The following CYFIP1 variants were observed in gnomAD, a reference collection of about 807,000 sequenced individuals.
The protein encoded by CYFIP1 is cytoplasmic FMR1 interacting protein 1, also known as cytoplasmic FMR1-interacting protein 1.
Under a neutral mutation model 163.5 loss-of-function variants are expected in CYFIP1, and 58 were observed. The observed-to-expected ratio is 0.35, with a 90% CI of 0.29 to 0.44. The LOEUF is 0.44. Ranked by LOEUF, CYFIP1 falls within the 20% of genes least tolerant of loss-of-function variation. CYFIP1 has a pLI of 1.00. For missense variants in CYFIP1, 1,338 were observed against 1,653.8 expected (o/e 0.81, Z 3.31); for synonymous variants, 663 against 660.7 (o/e 1.00, Z -0.05).
intron 17 of CYFIP1, 21 bp from the exon 18 acceptor site, chr15:22,912,296 G>T: frequency 3.8e-6 from 6 of 1,571,308 alleles, no homozygotes; most frequent in Non-Finnish European, 5.2e-6. Context: ...CAGCAGCAGT[G>T]TGACCAGCAG....
At chr15:22,877,158 G>C (rs546651402) in intron 26 of CYFIP1, among the ~76,000 whole-genome samples, 33 of 152,316 alleles carry the variant, frequency 2.2e-4, no homozygotes, top group African/African-American at 7.9e-4. Flanking sequence ...TTACAGGGCT[G>C]GGTCAGTTCT....
At chr15:22,980,382 C>A (rs2063446246), upstream of CYFIP1, 1 of 151,820 alleles carries the variant, frequency 6.6e-6, no homozygotes, top group Non-Finnish European at 1.5e-5. Flanking sequence ...CCAGGAAACA[C>A]TCGGCCTCCT....
intron 6 of CYFIP1, among the ~76,000 whole-genome samples, chr15:22,942,560 C>A (rs2061924845): frequency 1.3e-5 from 2 of 152,322 alleles, no homozygotes; most frequent in South Asian, 4.1e-4. Flanking sequence ...GAAGCACACA[C>A]TGGGCCATGC....
chr15:22,910,816 GAAGAAA>G lies in CYFIP1; in HGVS notation c.2083-9_2083-4del. The G allele has an allele frequency of 6.2e-7, 1 of 1,611,408 alleles. No individual in the cohort carries two copies. The highest frequency in any genetic ancestry group is 8.5e-7 in the Non-Finnish European group (1 of 1,177,808). ...AATTGGTCAAAACATAGATTCACCT[GAAGAAA>G]AAGAAAGCACACGTTACAGTTTGAT... On this transcript the variant is annotated splice_region_variant and splice_polypyrimidine_tract_variant and intron_variant, in intron 18 of 30. Transcript: ENST00000617928.
At chr15:22,914,979 C>T in intron 16 of CYFIP1, 97 bp from the exon 17 acceptor site, 1 of 1,292,400 alleles carries the variant, frequency 7.7e-7, no homozygotes, top group African/African-American at 1.5e-5. Flanking sequence ...GCCTGCTCCT[C>T]CTCGCTCAGC....
chr15:22,889,638 G>A lies in CYFIP1; in HGVS notation c.2676+3252C>T, dbSNP rs367844699. 5.7e-4 allele frequency among the ~76,000 whole-genome samples: 87 copies of A among 152,224 alleles called. No homozygotes were observed. In the South Asian group the frequency reaches 7.7e-3, roughly 13 times the overall value. The stretch of plus-strand genomic sequence containing the variant: ...CAGTCGGGTCGCCTGCCTACCCCCC[G>A]CCTGCCTCCCTCGCTTCCACAGCCA... On this transcript the variant is annotated intron_variant, in intron 23 of 30. Coordinates refer to ENST00000617928, the MANE Select transcript of CYFIP1 (RefSeq NM_014608.6).
At chr15:22,976,174 T>C (rs2063270810) in intron 1 of CYFIP1, among the ~76,000 whole-genome samples, 1 of 152,122 alleles carries the variant, frequency 6.6e-6, no homozygotes. Flanking sequence ...TTTTTTTTTT[T>C]TGAGACGGAG....
chr15:22,915,361 GT>G (rs1361355158), intron 16 of CYFIP1, among the ~76,000 whole-genome samples: 1 of 151,982 alleles, frequency 6.6e-6, no homozygotes, highest in Non-Finnish European at 1.5e-5. Flanking sequence ...CCGAATTCAA[GT>G]GATTCTCCTG....
intron 22 of CYFIP1, among the ~76,000 whole-genome samples, chr15:22,899,139 G>A (rs1488899569): frequency 6.6e-6 from 1 of 152,064 alleles, no homozygotes; most frequent in African/African-American, 2.4e-5. Flanking sequence ...CACCCAGCCA[G>A]GATTAGCAAT....
intron 22 of CYFIP1, among the ~76,000 whole-genome samples, chr15:22,895,798 C>T (rs1003525276): frequency 6.6e-6 from 1 of 152,130 alleles, no homozygotes; most frequent in Non-Finnish European, 1.5e-5. Flanking sequence ...TGCAACGAAG[C>T]CCCAATAAAA....
At chr15:22,975,606 C>A (rs964002485) in intron 1 of CYFIP1, among the ~76,000 whole-genome samples, 4 of 152,054 alleles carry the variant, frequency 2.6e-5, no homozygotes, top group South Asian at 2.1e-4. Context: ...ACTAAAAATA[C>A]AAAATTAGTG....
intron 1 of CYFIP1, among the ~76,000 whole-genome samples, chr15:22,976,481 G>A (rs2063285545): frequency 6.7e-6 from 1 of 148,166 alleles, no homozygotes; most frequent in South Asian, 2.1e-4. Flanking sequence ...ATTGTACATT[G>A]CTAGTACAGT....
Position 22,891,485 on chromosome 15 carries a change from T to C in CYFIP1, c.2676+1405A>G, listed in dbSNP as rs568617649. Among the ~76,000 whole-genome samples the C allele has an allele frequency of 6.6e-5, 10 of 152,362 alleles. 1 individual carries two copies. The highest frequency in any genetic ancestry group is 1.9e-4 in the East Asian group (1 of 5,190). The stretch of plus-strand genomic sequence containing the variant: ...GACATAATGTTTACACAGTCACCCT[T>C]GGTCCACGTGGGCCCCGTTTCCCGA... On this transcript the variant is annotated intron_variant, in intron 23 of 30. Coordinates refer to ENST00000617928, the MANE Select transcript of CYFIP1 (RefSeq NM_014608.6).
chr15:22,949,221 T>G (rs574723603), intron 1 of CYFIP1, among the ~76,000 whole-genome samples: 135 of 152,188 alleles, frequency 8.9e-4, no homozygotes, highest in African/African-American at 3.2e-3. Flanking sequence ...GGGCCGCGGA[T>G]TCCCCCCGGG....
chr15:22,931,914 A>G (rs949451615), intron 11 of CYFIP1, among the ~76,000 whole-genome samples: 2 of 152,104 alleles, frequency 1.3e-5, no homozygotes, highest in Non-Finnish European at 2.9e-5. Flanking sequence ...CCATTGTGTT[A>G]CAACTATCCA....
intron 23 of CYFIP1, among the ~76,000 whole-genome samples, chr15:22,889,198 T>C (rs766969793): frequency 1.3e-5 from 2 of 152,100 alleles, no homozygotes; most frequent in Admixed American, 1.3e-4. Flanking sequence ...TAAAAAAAAA[T>C]CAAATTCACA....
At chr15:22,896,461 A>G (rs1233161526) in intron 22 of CYFIP1, among the ~76,000 whole-genome samples, 46 of 151,922 alleles carry the variant, frequency 3.0e-4, no homozygotes, top group Admixed American at 3.0e-3. Flanking sequence ...AATCACAGGC[A>G]TATTAGAATC....
At chr15:22,879,060 C>T (rs896006301) in intron 26 of CYFIP1, among the ~76,000 whole-genome samples, 1 of 151,668 alleles carries the variant, frequency 6.6e-6, no homozygotes, top group South Asian at 2.1e-4. Context: ...GGCGTGAACC[C>T]GGGAGGCGGA....
rs867710551 is a variant in CYFIP1, at chr15:22,874,612, G to T, written c.3148C>A (p.Leu1050Ile). ...GERLDAKMKR[L>I]ESKYAPLHLV... ...TGCAGCGGGGCGTACTTTGATTCTA[G>T]TCTTTTCATTTTGGCATCAAGTCTC... Residue 1050 changes from leucine to isoleucine, a missense_variant, in exon 28 of 31, where the codon CTA becomes ATA. Around this residue, in one of 4 missense-constraint regions of CYFIP1, gnomAD observed 306 missense variants for 322.1 expected, o/e 0.95. Coordinates refer to ENST00000617928, the MANE Select transcript of CYFIP1 (RefSeq NM_014608.6). The T allele has an allele frequency of 6.2e-7, 1 of 1,604,680 alleles. No homozygotes were observed. The highest frequency in any genetic ancestry group is 8.5e-7 in the Non-Finnish European group (1 of 1,176,566).
Sources: gnomAD v4.1 joint callset for allele counts (sites outside exome capture counted in the v4.1 genomes callset) on GRCh38, gnomAD v4.1.1 for gene constraint, gnomAD v4.1.1 regional missense constraint, MANE v1.5 for transcripts, NCBI Gene and HGNC (gene_info 2026-07-23, HGNC 2026-07-21) for gene names.